Variants in STAM observed in about 807,000 individuals in gnomAD.
The protein encoded by STAM is signal transducing adaptor molecule.
A neutral mutation model predicts 63.4 loss-of-function variants in STAM; 16 were observed. The ratio of observed to expected loss-of-function variants is 0.25; its 90% confidence interval spans 0.17 to 0.38. STAM has a LOEUF of 0.38. STAM is among the 10% of genes least tolerant of loss of function. The probability of loss-of-function intolerance (pLI) is 1.00; values close to 1 mark genes in which losing one functional copy is unlikely to be tolerated. For missense variants in STAM, 636 were observed against 657.1 expected, an observed-to-expected ratio of 0.97 and a Z score of 0.35; for synonymous variants, 238 against 223.9, an observed-to-expected ratio of 1.06 and a Z score of -0.56.
intron 2 of STAM, among the ~76,000 whole-genome samples, chr10:17,683,596 C>G (rs920779223): frequency 3.3e-5 from 5 of 151,970 alleles, no homozygotes; most frequent in Non-Finnish European, 7.4e-5. Flanking sequence ...TTCATTCTTA[C>G]CTGATTAATT....
At chr10:17,706,545 AT>A (rs1263978270) in intron 12 of STAM, among the ~76,000 whole-genome samples, 1 of 151,476 alleles carries the variant, frequency 6.6e-6, no homozygotes, top group Admixed American at 6.6e-5. Context: ...CGCCAGGCTA[AT>A]TTTTTTGTAT....
In STAM at chr10:17,644,573, T is replaced by C. The variant is rs1325979561; in HGVS notation, c.40+194T>C. ...TCCTCTTTGAAAGAAATGGGACTCA[T>C]CCTGTGAAATGGGCCTTGAGCTAGG... On this transcript the variant is annotated intron_variant, in intron 1 of 13. Transcript: ENST00000377524. Among the ~76,000 whole-genome samples, 4 of 152,094 alleles carry C rather than the reference T, an allele frequency of 2.6e-5. No homozygotes were observed. In the South Asian group the frequency reaches 6.2e-4, roughly 24 times the overall value.
At chr10:17,673,448 A>G (rs1834722766) in intron 2 of STAM, among the ~76,000 whole-genome samples, 1 of 152,202 alleles carries the variant, frequency 6.6e-6, no homozygotes, top group South Asian at 2.1e-4. Flanking sequence ...TGAAGGCACA[A>G]TTCTAGGCCC....
At chr10:17,677,666 G>A (rs1473448533) in intron 2 of STAM, among the ~76,000 whole-genome samples, 2 of 152,168 alleles carry the variant, frequency 1.3e-5, no homozygotes, top group Non-Finnish European at 2.9e-5. Flanking sequence ...AATCAGTAAA[G>A]TAGAAGAAAA....
At chr10:17,688,513 A>C (rs1263000460) in intron 5 of STAM, among the ~76,000 whole-genome samples, 2 of 152,100 alleles carry the variant, frequency 1.3e-5, no homozygotes, top group Non-Finnish European at 2.9e-5. Flanking sequence ...CCCTGGGTAG[A>C]GTGCAGTAGC....
chr10:17,695,350 A>C lies in STAM; in HGVS notation c.728+109A>C. 5 of 1,039,410 alleles carry C rather than the reference A, an allele frequency of 4.8e-6. No homozygotes were observed. The East Asian group carries it at 1.0e-4, about 22-fold the overall frequency. 64.4% of individuals were successfully genotyped at this position (1,039,410 alleles called of 1,614,324 possible). A position where few individuals can be genotyped will look rare whatever the true frequency, so the allele number is the denominator to read the frequency against. On this transcript the variant is annotated intron_variant, in intron 7 of 13. Coordinates refer to ENST00000377524, the MANE Select transcript of STAM (RefSeq NM_003473.4). ...CAAATACAATAATAAATATTGACCC[A>C]GATGCTGCTCTGTATGACAGTTGGC...
Position 17,675,102 on chromosome 10 carries a change from G to A in STAM, c.126-9573G>A, listed in dbSNP as rs1393713699. Among the ~76,000 whole-genome samples, 12 of 152,184 alleles carry A rather than the reference G, an allele frequency of 7.9e-5. 1 individual carries two copies. The highest frequency in any genetic ancestry group is 7.9e-4 in the Admixed American group (12 of 15,276). ...CAGATAGGGAATCTTAACTGATTAG[G>A]TAGTCATGAAGATTTTCTTTCATGG... On this transcript the variant is annotated intron_variant, in intron 2 of 13. Coordinates refer to ENST00000377524, the MANE Select transcript of STAM (RefSeq NM_003473.4).
chr10:17,694,122 T>C (rs61842341), intron 6 of STAM, among the ~76,000 whole-genome samples: 2,921 of 152,290 alleles, frequency 0.019, 30 homozygotes, highest in Middle Eastern at 0.027. Context: ...AAAATAATGA[T>C]ATGTACAAGT....
chr10:17,651,729 T>C (rs782532102), intron 1 of STAM, among the ~76,000 whole-genome samples: 29 of 152,234 alleles, frequency 1.9e-4, no homozygotes, highest in Non-Finnish European at 5.9e-5. Context: ...GGATATTAGA[T>C]GAAAGATTTT....
At chr10:17,662,961 C>G (rs1032060952) in intron 2 of STAM, among the ~76,000 whole-genome samples, 7 of 152,130 alleles carry the variant, frequency 4.6e-5, no homozygotes, top group African/African-American at 1.7e-4. Context: ...CAAAGCCCCT[C>G]CTCTCTCTCT....
rs1835786288 is a variant in STAM at position 17,696,964 on chromosome 10, G to A, written c.823+95G>A. 7 of 968,042 alleles carry A rather than the reference G, an allele frequency of 7.2e-6. No homozygotes were observed. The South Asian group carries it at 1.0e-4, about 14-fold the overall frequency. 60.0% of individuals were successfully genotyped at this position (968,042 alleles called of 1,614,324 possible). ...GAACTTTTTAGAGCAGTGTTGCCCA[G>A]GCTGGAGTGCAGTGGTGCGAGCTCG... On this transcript the variant is annotated intron_variant, in intron 8 of 13. Transcript: ENST00000377524.
intron 1 of STAM, among the ~76,000 whole-genome samples, chr10:17,645,085 C>T (rs781935030): frequency 6.6e-6 from 1 of 152,150 alleles, no homozygotes; most frequent in Non-Finnish European, 1.5e-5. Flanking sequence ...GTATTAGGTA[C>T]TGATGATGTC....
At chr10:17,674,933 C>G (rs576130709) in intron 2 of STAM, among the ~76,000 whole-genome samples, 14 of 152,068 alleles carry the variant, frequency 9.2e-5, no homozygotes, top group Non-Finnish European at 2.1e-4. Context: ...GACACTCAAT[C>G]CTTAAGAATG....
chr10:17,664,975 T>A (rs1249254262), intron 2 of STAM, among the ~76,000 whole-genome samples: 1 of 152,138 alleles, frequency 6.6e-6, no homozygotes, highest in Non-Finnish European at 1.5e-5. Flanking sequence ...AGAGGATAAA[T>A]AAAATGAAAT....
At chr10:17,711,680 G>T (rs1400586632) in intron 13 of STAM, among the ~76,000 whole-genome samples, 1 of 152,132 alleles carries the variant, frequency 6.6e-6, no homozygotes, top group Admixed American at 6.5e-5. Context: ...AAAGATGGGA[G>T]GTGTGAAAGG....
intron 5 of STAM, among the ~76,000 whole-genome samples, chr10:17,690,617 A>AGT (rs1835490081): frequency 6.6e-6 from 1 of 152,216 alleles, no homozygotes; most frequent in African/African-American, 2.4e-5. Flanking sequence ...AAAGCCACTT[A>AGT]GTTACTTAAG....
rs59585445 is a variant in STAM, at chr10:17,706,369, C to CTTTTT, written c.1209+651_1209+655dup. Among the ~76,000 whole-genome samples, 183 of 70,206 alleles carry CTTTTT rather than the reference C, an allele frequency of 2.6e-3. 25 individuals carry two copies. Among genetic ancestry groups the CTTTTT allele is most frequent in the Non-Finnish European group, 3.0e-3 (122 of 40,976 alleles). The allele number at this position is 70,206 out of a possible 152,430, so 46.1% of individuals were successfully genotyped here. On this transcript the variant is annotated intron_variant, in intron 12 of 13. Coordinates refer to ENST00000377524, the MANE Select transcript of STAM (RefSeq NM_003473.4). ...AATCAGAATCCTCAGGGTTGAGGCCCTTTTTTTTTTTTTTTTTTTTTTTTT... is the reference window on the plus strand; with the variant it reads ...AATCAGAATCCTCAGGGTTGAGGCCCTTTTTTTTTTTTTTTTTTTTTTTTTTTTTT...
At chr10:17,663,319 A>C (rs1834248229) in intron 2 of STAM, among the ~76,000 whole-genome samples, 1 of 152,136 alleles carries the variant, frequency 6.6e-6, no homozygotes, top group African/African-American at 2.4e-5. Flanking sequence ...ATCCAGTATC[A>C]ATAGGTTTAG....
At chr10:17,645,157 G>C (rs1282682868) in intron 1 of STAM, among the ~76,000 whole-genome samples, 8 of 152,126 alleles carry the variant, frequency 5.3e-5, no homozygotes, top group African/African-American at 1.7e-4. Flanking sequence ...CTGACTTGAA[G>C]ATAATAATTA....
Sources: gnomAD v4.1 joint callset for allele counts (sites outside exome capture counted in the v4.1 genomes callset) on GRCh38, gnomAD v4.1.1 for gene constraint, MANE v1.5 for transcripts, NCBI Gene and HGNC (gene_info 2026-07-23, HGNC 2026-07-21) for gene names.